EVC: variants seen among roughly 807,000 people sequenced by gnomAD.
The protein encoded by EVC is evC complex member EVC.
Under a neutral mutation model 118.9 loss-of-function variants are expected in EVC, and 116 were observed. The ratio of observed to expected loss-of-function variants is 0.98; its 90% CI spans 0.84 to 1.14. The LOEUF is 1.14. EVC is among the 50% of genes most tolerant of loss of function. EVC has a pLI of 0.00. For synonymous variants in EVC, 619 were observed against 534.7 expected (o/e 1.16, Z -2.18); for missense variants, 1,401 against 1,246.4 (o/e 1.12, Z -1.87).
intron 5 of EVC, among the ~76,000 whole-genome samples, chr4:5,741,053 A>G (rs768403775): frequency 3.9e-5 from 6 of 152,222 alleles, no homozygotes; most frequent in Admixed American, 6.5e-5. Flanking sequence ...ATCAAACTTA[A>G]CTTGCAGTTA....
chr4:5,809,709 G>C (rs969241217), intron 19 of EVC, 98 bp downstream of exon 19: 44 of 1,137,760 alleles, frequency 3.9e-5, no homozygotes, highest in Admixed American at 9.7e-5. Context: ...TGTGACCTTA[G>C]GCATCGTGCC....
downstream of EVC, among the ~76,000 whole-genome samples, chr4:5,817,272 T>G (rs1394613682): frequency 6.6e-6 from 1 of 152,208 alleles, no homozygotes; most frequent in African/African-American, 2.4e-5. Flanking sequence ...TCGGGGCTCT[T>G]GTCCATTGCA....
chr4:5,787,004 G>A (rs1326041680), intron 12 of EVC, among the ~76,000 whole-genome samples: 2 of 152,214 alleles, frequency 1.3e-5, no homozygotes, highest in East Asian at 1.9e-4. Context: ...AAGCACCAGC[G>A]AAGCTATTCA....
At chr4:5,794,250 TTTATATGTA>T (rs1416406992) in intron 13 of EVC, among the ~76,000 whole-genome samples, 8 of 30,808 alleles carry the variant, frequency 2.6e-4, no homozygotes, top group Non-Finnish European at 5.6e-4. Flanking sequence ...TATATATATA[TTTATATGTA>T]TTTATATATT....
At chr4:5,748,550 GCCCTCCCACCCATTTATCCA>G (rs1729744492) in intron 8 of EVC, among the ~76,000 whole-genome samples, 1 of 40,052 alleles carries the variant, frequency 2.5e-5, no homozygotes, top group African/African-American at 1.9e-4. Flanking sequence ...CCATCCATCT[GCCCTCCCACCCATTTATCCA>G]TCCATCCATC....
At chr4:5,760,253 T>TA (rs1430734133) in intron 11 of EVC, among the ~76,000 whole-genome samples, 4 of 152,108 alleles carry the variant, frequency 2.6e-5, no homozygotes, top group Admixed American at 6.5e-5. Context: ...CGGGTGCTGG[T>TA]AACTACATCA....
chr4:5,746,839 A>G lies in EVC; in HGVS notation c.940-1309A>G, dbSNP rs1436475058. ...CCATATTTAAGGAGGAGCGGATGAG[A>G]AGAATTGGGACAAGAAAGCAGAGGA... On this transcript the variant is annotated intron_variant, in intron 7 of 20. Transcript: ENST00000264956. This position sits in a 1 kb window ranked among gnomAD's most constrained non-coding sequence, Gnocchi z 5.8. Among the ~76,000 whole-genome samples the G allele has an allele frequency of 6.6e-6, 1 of 152,142 alleles. No individual in the cohort carries two copies. The highest frequency in any genetic ancestry group is 1.5e-5 in the Non-Finnish European group (1 of 68,034).
At chr4:5,764,259 A>G (rs1037106456) in intron 11 of EVC, among the ~76,000 whole-genome samples, 4 of 141,550 alleles carry the variant, frequency 2.8e-5, no homozygotes, top group African/African-American at 1.1e-4. Context: ...AGCCCACTTG[A>G]TCATGGTGGA....
the EVC span, chr4:5,828,111 T>C: frequency 1.0e-6 from 1 of 985,434 alleles, no homozygotes; most frequent in Non-Finnish European, 1.2e-6. Context: ...GCCGTGACTC[T>C]GGCTAAGCCC....
intron 11 of EVC, among the ~76,000 whole-genome samples, chr4:5,759,981 G>T (rs1731759194): frequency 6.6e-6 from 1 of 151,760 alleles, no homozygotes; most frequent in African/African-American, 2.4e-5. Flanking sequence ...GCAAAGACAG[G>T]AAGACTCCAA....
In EVC at chr4:5,811,047, A is replaced by G. The variant is rs1042560060; in HGVS notation, c.*10A>G. On this transcript the variant is annotated 3_prime_UTR_variant, in exon 21 of 21. Coordinates refer to ENST00000264956, the MANE Select transcript of EVC (RefSeq NM_153717.3). The stretch of plus-strand genomic sequence containing the variant: ...AAGAAGCAACTTGTAGTTTAAGACC[A>G]GTCGGTGGGACAAGACCTGAAGCCC... 1 of 1,606,306 alleles carries G rather than the reference A, an allele frequency of 6.2e-7. No homozygotes were observed. The highest frequency in any genetic ancestry group is 8.5e-7 in the Non-Finnish European group (1 of 1,175,448).
In EVC at chr4:5,809,618, C is replaced by A. The variant is rs1241416600; in HGVS notation, c.2782+7C>A. On this transcript the variant is annotated splice_region_variant and intron_variant, in intron 19 of 20. Transcript: ENST00000264956. ...GCTAAGCGTGGGCTGCTAGGTGAGT[C>A]ACAGATGCTTGAGTTGCAGCGGGAA... 3 of 1,613,574 alleles carry A rather than the reference C, an allele frequency of 1.9e-6. No homozygotes were observed. The East Asian group carries it at 6.7e-5, about 36-fold the overall frequency.
the EVC span, among the ~76,000 whole-genome samples, chr4:5,822,739 G>A: frequency 6.6e-6 from 1 of 152,178 alleles, no homozygotes; most frequent in Admixed American, 6.5e-5. Context: ...ATCAAAAAGA[G>A]AAAGCAAATA....
In EVC at chr4:5,748,311, T is replaced by C. The variant is rs763650726; in HGVS notation, c.1098+5T>C. On this transcript the variant is annotated splice_donor_5th_base_variant and intron_variant, in intron 8 of 20. Transcript: ENST00000264956. ...TCTCAGGAGCTGCAGGCTCTGGTAA[T>C]GCTGGAGGGGGCGGGAGGGAACATA... 7 of 1,614,002 alleles carry C rather than the reference T, an allele frequency of 4.3e-6. No homozygotes were observed. The highest frequency in any genetic ancestry group is 1.1e-5 in the South Asian group (1 of 91,068).
chr4:5,777,606 A>G (rs536817355), intron 11 of EVC, among the ~76,000 whole-genome samples: 5 of 152,158 alleles, frequency 3.3e-5, no homozygotes, highest in African/African-American at 1.2e-4. Context: ...TTTTATGAAG[A>G]TTTAATAATT....
intron 11 of EVC, among the ~76,000 whole-genome samples, chr4:5,781,062 G>A (rs1461864041): frequency 1.3e-5 from 2 of 152,144 alleles, no homozygotes; most frequent in African/African-American, 4.8e-5. Context: ...TTCCTGTCAC[G>A]TACCAAGAGT....
chr4:5,716,871 T>G (rs1724048006), intron 1 of EVC, among the ~76,000 whole-genome samples: 1 of 152,196 alleles, frequency 6.6e-6, no homozygotes, highest in African/African-American at 2.4e-5. Context: ...TTCTGATCCT[T>G]GATACCTTAC....
At chr4:5,797,365 G>A in intron 14 of EVC, 133 bp downstream of exon 14, 1 of 775,226 alleles carries the variant, frequency 1.3e-6, no homozygotes, top group South Asian at 1.5e-5. Context: ...TCATTCGCCG[G>A]GGCTGCCATA....
chr4:5,797,972 G>C (rs1714284355), intron 14 of EVC, among the ~76,000 whole-genome samples: 1 of 152,196 alleles, frequency 6.6e-6, no homozygotes, highest in South Asian at 2.1e-4. Context: ...CAGGCCTCCT[G>C]CATGTAGCCA....
Sources: gnomAD v4.1 joint callset for allele counts (sites outside exome capture counted in the v4.1 genomes callset) on GRCh38, gnomAD v4.1.1 for gene constraint, Gnocchi (gnomAD v3.1) non-coding constraint, MANE v1.5 for transcripts, NCBI Gene and HGNC (gene_info 2026-07-23, HGNC 2026-07-21) for gene names.